LMF1: variants seen among roughly 807,000 people sequenced by gnomAD.
LMF1 encodes transmembrane protein 112.
Under a neutral mutation model 60.6 loss-of-function variants are expected in LMF1, and 68 were observed. That is an observed-to-expected ratio of 1.12 (90% CI 0.92 to 1.37). The LOEUF is 1.37. Among genes scored for constraint, LMF1 ranks in the 40% most tolerant of loss-of-function variants. The pLI is 0.00. For missense variants in LMF1, 948 were observed against 767.2 expected, an observed-to-expected ratio of 1.24 and a Z score of -2.78; for synonymous variants, 418 against 324.7, an observed-to-expected ratio of 1.29 and a Z score of -3.09.
intron 2 of LMF1, among the ~76,000 whole-genome samples, chr16:952,072 G>A (rs1465726414): frequency 6.6e-6 from 1 of 152,246 alleles, no homozygotes; most frequent in South Asian, 2.1e-4. Context: ...GCATGTGTGC[G>A]TGGAGGGGTC....
rs769763359 is a variant in LMF1 at position 871,744 on chromosome 16, G to C, written c.898-403C>G. The C allele has an allele frequency of 3.6e-4, 67 of 186,054 alleles. 2 individuals carry two copies. The highest frequency in any genetic ancestry group is 2.4e-3 in the Admixed American group (43 of 17,724). 11.5% of individuals were successfully genotyped at this position (186,054 alleles called of 1,614,324 possible). On this transcript the variant is annotated intron_variant, in intron 6 of 10. Transcript: ENST00000262301. The stretch of plus-strand genomic sequence containing the variant: ...CCAAACAGAGGAGGCTGTGCTTGGA[G>C]AGTGGGTACTGGGGACGCCCCTCAG...
At chr16:942,981 C>T (rs1285011443) in intron 2 of LMF1, among the ~76,000 whole-genome samples, 7 of 152,212 alleles carry the variant, frequency 4.6e-5, no homozygotes, top group Admixed American at 3.9e-4. Context: ...CTATCTTCTA[C>T]CCACCTCCAA....
intron 4 of LMF1, among the ~76,000 whole-genome samples, chr16:906,450 G>A (rs532090838): frequency 3.3e-5 from 5 of 152,170 alleles, no homozygotes; most frequent in African/African-American, 1.2e-4. Context: ...GAGGGGAGAC[G>A]GGCCTACCCT....
Position 868,977 on chromosome 16 carries a change from G to A in LMF1, c.1496C>T (p.Ala499Val), listed in dbSNP as rs747600410. ...GGGCCTGCCCGCGAAGGGGTTGTGT[G>A]CCAGCAGGGACAAGGCCTCGGCGTC... ...ASDAEALSLL[A>V]HNPFAGRPPP... Residue 499 changes from alanine to valine, a missense_variant, in exon 10 of 11, where the codon GCA (alanine) becomes GTA (valine). Coordinates refer to ENST00000262301, the MANE Select transcript of LMF1 (RefSeq NM_022773.4). 5.0e-5 allele frequency: 80 copies of A among 1,612,132 alleles called. No individual in the cohort carries two copies. The highest frequency in any genetic ancestry group is 6.7e-5 in the Non-Finnish European group (79 of 1,179,636).
intron 1 of LMF1, chr16:968,435 G>GT (rs1444661526): frequency 1.3e-5 from 2 of 152,208 alleles, no homozygotes; most frequent in Admixed American, 6.5e-5. Flanking sequence ...GTAAAATTCA[G>GT]TATCAAGTGA....
At chr16:968,093 C>G (rs1352091956) in intron 1 of LMF1, among the ~76,000 whole-genome samples, 1 of 152,216 alleles carries the variant, frequency 6.6e-6, no homozygotes, top group African/African-American at 2.4e-5. Context: ...GTGCAGTGAG[C>G]ACACCCCTAG....
chr16:975,850 C>A (rs762573623), upstream of LMF1: 1 of 453,852 alleles, frequency 2.2e-6, no homozygotes, highest in Non-Finnish European at 4.4e-6. Flanking sequence ...AGGGCCTGGG[C>A]GGCCAGGGCC....
At chr16:909,487 T>TGCGCTACACTGAGCCACGCTAC (rs2071051815) in intron 4 of LMF1, among the ~76,000 whole-genome samples, 1 of 151,778 alleles carries the variant, frequency 6.6e-6, no homozygotes. Flanking sequence ...AACCACGCTA[T>TGCGCTACACTGAGCCACGCTAC]GCGCTATACT....
At chr16:978,184 C>CCCA (rs2073227773) in intron 1 of LMF1, among the ~76,000 whole-genome samples, 1 of 148,440 alleles carries the variant, frequency 6.7e-6, no homozygotes. Context: ...ATACACGCAC[C>CCCA]CCACACACAT....
chr16:935,057 C>T (rs527753685), intron 2 of LMF1, among the ~76,000 whole-genome samples: 1 of 152,232 alleles, frequency 6.6e-6, no homozygotes, highest in South Asian at 2.1e-4. Context: ...CAGGCCGGTC[C>T]ACAGACACAG....
At chr16:934,713 C>T (rs766773646) in intron 2 of LMF1, among the ~76,000 whole-genome samples, 2 of 152,206 alleles carry the variant, frequency 1.3e-5, no homozygotes, top group Non-Finnish European at 2.9e-5. Flanking sequence ...GAATCCCAAC[C>T]AAAAGGGGTT....
At position 861,765 on chromosome 16, in the gene LMF1, G is replaced by C. The variant is rs575885110; in HGVS notation, c.1530-7059C>G. ...TCGTTTCTTCCTTTGTGATCGACAC[G>C]CCTTTTCTTTCCTTGTCCTGCGTAC... On this transcript the variant is annotated intron_variant, in intron 10 of 10. Coordinates refer to ENST00000262301, the MANE Select transcript of LMF1 (RefSeq NM_022773.4). Among the ~76,000 whole-genome samples, 51 of 152,298 alleles carry C rather than the reference G, an allele frequency of 3.3e-4. No individual in the cohort carries two copies. In the East Asian group the frequency reaches 5.0e-3, roughly 15 times the overall value.
rs1022722680 is a variant in LMF1 at position 882,075 on chromosome 16, C to G, written c.730-2338G>C. On this transcript the variant is annotated intron_variant, in intron 5 of 10. Transcript: ENST00000262301. ...GGTAATTGCCACGGGCTCTCAGAACCTCACCTGGGAAAGGGCCACAGCAGG... is the reference window on the plus strand; with the variant it reads ...GGTAATTGCCACGGGCTCTCAGAACGTCACCTGGGAAAGGGCCACAGCAGG... 6.6e-6 allele frequency among the ~76,000 whole-genome samples: 1 copy of G among 152,200 alleles called. No homozygotes were observed. The highest frequency in any genetic ancestry group is 1.5e-5 in the Non-Finnish European group (1 of 68,032).
At chr16:860,295 C>T (rs768093290) in intron 10 of LMF1, among the ~76,000 whole-genome samples, 7 of 151,698 alleles carry the variant, frequency 4.6e-5, no homozygotes, top group Non-Finnish European at 1.0e-4. Flanking sequence ...AGTATAATGA[C>T]TCTGCCTGGC....
chr16:957,418 C>T (rs545284018), intron 1 of LMF1, among the ~76,000 whole-genome samples: 1 of 152,122 alleles, frequency 6.6e-6, no homozygotes, highest in African/African-American at 2.4e-5. Context: ...TGGAAAACTA[C>T]AAAACACTGA....
chr16:977,426 G>C (rs1567349897), intron 1 of LMF1, among the ~76,000 whole-genome samples: 1 of 152,150 alleles, frequency 6.6e-6, no homozygotes, highest in African/African-American at 2.4e-5. Context: ...CACAGCCTGC[G>C]CCGGCCCAGC....
intron 2 of LMF1, among the ~76,000 whole-genome samples, chr16:952,984 T>C (rs530328138): frequency 9.6e-5 from 4 of 41,670 alleles, no homozygotes; most frequent in Admixed American, 5.1e-4. Context: ...ACCAGCCTCC[T>C]ACATATCCAC....
intron 6 of LMF1, among the ~76,000 whole-genome samples, chr16:876,395 C>T (rs893755519): frequency 1.8e-4 from 27 of 152,126 alleles, no homozygotes; most frequent in African/African-American, 4.8e-4. Flanking sequence ...GGACACGTGT[C>T]GTCGTCCGTT....
intron 6 of LMF1, among the ~76,000 whole-genome samples, chr16:879,035 G>A (rs887050903): frequency 3.3e-5 from 5 of 152,130 alleles, no homozygotes; most frequent in Admixed American, 6.5e-5. Context: ...TCAATGCAGG[G>A]GGCTTGTGGG....
Sources: allele counts gnomAD v4.1 joint callset (sites outside exome capture counted in the v4.1 genomes callset), GRCh38; gene constraint gnomAD v4.1.1; transcripts MANE v1.5; gene names NCBI Gene and HGNC (gene_info 2026-07-23, HGNC 2026-07-21).